Variants in PRKCE observed in about 807,000 individuals in gnomAD.
PRKCE encodes protein kinase C epsilon.
A neutral mutation model predicts 85.4 loss-of-function variants in PRKCE; 16 were observed. That is an observed-to-expected ratio of 0.19 (90% CI 0.13 to 0.28). PRKCE has a LOEUF of 0.28. Among genes scored for constraint, PRKCE ranks in the 10% least tolerant of loss-of-function variants. The pLI, the probability that PRKCE is intolerant of heterozygous loss-of-function variation, is 1.00. For synonymous variants in PRKCE, 388 were observed against 371.5 expected (o/e 1.04, Z -0.51); for missense variants, 573 against 975.2 (o/e 0.59, Z 5.49).
intron 2 of PRKCE, among the ~76,000 whole-genome samples, chr2:45,958,816 ATTTTTTTTTTTTTTTTTTTTTTT>A (rs569651784): frequency 3.3e-4 from 6 of 18,150 alleles, no homozygotes; most frequent in Non-Finnish European, 5.6e-4. Flanking sequence ...ATATATATAT[ATTTTTTTTTTTTTTTTTTTTTTT>A]TTTTTTTTTT....
intron 2 of PRKCE, among the ~76,000 whole-genome samples, chr2:45,861,858 T>C (rs1363935632): frequency 2.0e-5 from 3 of 152,210 alleles, no homozygotes; most frequent in Admixed American, 1.3e-4. Flanking sequence ...TATAAAGTTT[T>C]AGGTTTATTT....
chr2:46,042,598 A>T (rs1708277815), intron 10 of PRKCE, among the ~76,000 whole-genome samples: 1 of 152,230 alleles, frequency 6.6e-6, no homozygotes, highest in African/African-American at 2.4e-5. Context: ...CCCATCAGAT[A>T]AACCCCTCTT....
chr2:45,653,367 GTTGTTTTT>G (rs1487685538), intron 1 of PRKCE, among the ~76,000 whole-genome samples: 31 of 48,446 alleles, frequency 6.4e-4, no homozygotes, highest in African/African-American at 2.1e-3. Flanking sequence ...TTGTTTTTGG[GTTGTTTTT>G]TTTTTTTTTT....
intron 11 of PRKCE, among the ~76,000 whole-genome samples, chr2:46,091,391 C>G (rs1670157028): frequency 6.6e-6 from 1 of 152,174 alleles, no homozygotes; most frequent in African/African-American, 2.4e-5. Context: ...ACAGCAGCAG[C>G]TGACTTTCAG....
At chr2:46,105,527 TCAATCTGTGGCA>T (rs1671637133) in intron 11 of PRKCE, among the ~76,000 whole-genome samples, 1 of 151,860 alleles carries the variant, frequency 6.6e-6, no homozygotes, top group African/African-American at 2.4e-5. Flanking sequence ...GATGCATACC[TCAATCTGTGGCA>T]CGTATCAAGA....
intron 2 of PRKCE, among the ~76,000 whole-genome samples, chr2:45,957,217 A>C (rs1701032517): frequency 6.6e-6 from 1 of 152,196 alleles, no homozygotes; most frequent in Admixed American, 6.5e-5. Flanking sequence ...AACGTCACAA[A>C]GATTTTTTGT....
In PRKCE at chr2:45,672,937, A is replaced by G. The variant is rs56223721; in HGVS notation, c.348+20489A>G. Among the ~76,000 whole-genome samples, 304 of 152,250 alleles carry G rather than the reference A, an allele frequency of 2.0e-3. 1 individual carries two copies. The highest frequency in any genetic ancestry group is 3.5e-3 in the Non-Finnish European group (241 of 67,996). On this transcript the variant is annotated intron_variant, in intron 1 of 14. Coordinates refer to ENST00000306156, the MANE Select transcript of PRKCE (RefSeq NM_005400.3). ...GCTGCTCCAGGAGGCTGAGGCAGGA[A>G]GACTGCATGAGCCCAGGAGTTTGAG...
intron 1 of PRKCE, among the ~76,000 whole-genome samples, chr2:45,778,033 G>A (rs1685888559): frequency 6.6e-6 from 1 of 151,256 alleles, no homozygotes; most frequent in Admixed American, 6.6e-5. Flanking sequence ...GGACTGGAGG[G>A]TGGGCTTTGG....
At chr2:46,037,784 A>G (rs1007315369) in intron 10 of PRKCE, among the ~76,000 whole-genome samples, 2 of 152,296 alleles carry the variant, frequency 1.3e-5, no homozygotes, top group Admixed American at 1.3e-4. Flanking sequence ...TTTGAGAGTC[A>G]GGAAGAAAGT....
chr2:45,682,329 C>G (rs1676967361), intron 1 of PRKCE, among the ~76,000 whole-genome samples: 1 of 152,146 alleles, frequency 6.6e-6, no homozygotes, highest in African/African-American at 2.4e-5. Context: ...CAGAGGGTGC[C>G]TGTCTGAGAG....
In PRKCE at chr2:45,774,286, G is replaced by A. The variant is rs6734661; in HGVS notation, c.349-68714G>A. 0.089 allele frequency among the ~76,000 whole-genome samples: 13,526 copies of A among 152,108 alleles called. 763 individuals carry two copies. The highest frequency in any genetic ancestry group is 0.15 in the African/African-American group (6,425 of 41,510). On this transcript the variant is annotated intron_variant, in intron 1 of 14. Coordinates refer to ENST00000306156, the MANE Select transcript of PRKCE (RefSeq NM_005400.3). This position sits in a 1 kb window ranked among gnomAD's most constrained non-coding sequence, Gnocchi z 4.3. ...CTTCACAGCCTCACGGGAGGTGATC[G>A]GACACCAGCCTGGCAGGGCAGCCTC... is the stretch of plus-strand genomic sequence containing the variant.
At chr2:45,700,947 A>T (rs11674329) in intron 1 of PRKCE, among the ~76,000 whole-genome samples, 2 of 151,996 alleles carry the variant, frequency 1.3e-5, no homozygotes, top group East Asian at 1.9e-4. Flanking sequence ...GAAGCAAGGA[A>T]GGACCCTCCT....
intron 1 of PRKCE, among the ~76,000 whole-genome samples, chr2:45,747,823 A>G (rs1227185820): frequency 6.6e-6 from 1 of 152,108 alleles, no homozygotes; most frequent in Non-Finnish European, 1.5e-5. Flanking sequence ...TCCCACTGAC[A>G]ATGCACAAGG....
chr2:45,869,706 C>CTTT (rs71394860), intron 2 of PRKCE, among the ~76,000 whole-genome samples: 18,855 of 108,526 alleles, frequency 0.17, 2,039 homozygotes, highest in East Asian at 0.38. Flanking sequence ...TTCTCTCTCT[C>CTTT]TTTTTTTTTT....
Position 46,159,857 on chromosome 2 carries a change from G to A in PRKCE, c.2067+105G>A, listed in dbSNP as rs985299099. The A allele has an allele frequency of 2.1e-6, 3 of 1,444,494 alleles. No individual in the cohort carries two copies. The highest frequency in any genetic ancestry group is 2.3e-4 in the Middle Eastern group (1 of 4,294). The allele number at this position is 1,444,494 out of a possible 1,614,324, so 89.5% of individuals were successfully genotyped here. On this transcript the variant is annotated intron_variant, in intron 14 of 14. Transcript: ENST00000306156. The surrounding 1 kb of genome is among the most constrained non-coding windows in gnomAD (Gnocchi z 4.1). Reference sequence around the variant, plus strand: ...AGTTGGTCAGGGGATGCGTATTACAGTAAAAATGACAAAGACCAGAGGTGG... The same window carrying A: ...AGTTGGTCAGGGGATGCGTATTACAATAAAAATGACAAAGACCAGAGGTGG...
intron 10 of PRKCE, among the ~76,000 whole-genome samples, chr2:46,037,945 A>G (rs1707973274): frequency 6.6e-6 from 1 of 152,218 alleles, no homozygotes; most frequent in East Asian, 1.9e-4. Context: ...TCTTAAAAAC[A>G]TAAAAAATAA....
chr2:45,910,203 A>G (rs759433609), intron 2 of PRKCE, among the ~76,000 whole-genome samples: 46 of 152,320 alleles, frequency 3.0e-4, no homozygotes, highest in Middle Eastern at 6.8e-3. Flanking sequence ...GTTAAGAAAA[A>G]CATCCCATGT....
intron 2 of PRKCE, among the ~76,000 whole-genome samples, chr2:45,844,736 A>T (rs1304050111): frequency 6.6e-6 from 1 of 152,232 alleles, no homozygotes; most frequent in African/African-American, 2.4e-5. Context: ...TGAGCAACCA[A>T]TGGGAGGCTG....
chr2:45,871,081 G>A (rs1312367906), intron 2 of PRKCE, among the ~76,000 whole-genome samples: 1 of 152,196 alleles, frequency 6.6e-6, no homozygotes, highest in East Asian at 1.9e-4. Flanking sequence ...GCAAATGCTT[G>A]TCTTCTAAAG....
Sources: allele counts gnomAD v4.1 joint callset (sites outside exome capture counted in the v4.1 genomes callset), GRCh38; gene constraint gnomAD v4.1.1; non-coding constraint Gnocchi (gnomAD v3.1); transcripts MANE v1.5; gene names NCBI Gene and HGNC (gene_info 2026-07-23, HGNC 2026-07-21).